Variants in RBFOX2 observed in about 807,000 individuals in gnomAD.
The protein encoded by RBFOX2 is RNA binding protein fox-1 homolog 2.
A neutral mutation model predicts 49.1 loss-of-function variants in RBFOX2; 10 were observed. That is an observed-to-expected ratio of 0.20 (90% CI 0.13 to 0.35). The LOEUF is 0.35. Among genes scored for constraint, RBFOX2 ranks in the 10% least tolerant of loss-of-function variants. The pLI is 1.00. For synonymous variants in RBFOX2, 183 were observed against 187.4 expected (o/e 0.98, Z 0.19); for missense variants, 323 against 486.9 (o/e 0.66, Z 3.17).
chr22:35,820,750 C>T (rs1954279637), intron 1 of RBFOX2, among the ~76,000 whole-genome samples: 1 of 152,008 alleles, frequency 6.6e-6, no homozygotes, highest in South Asian at 2.1e-4. Context: ...TAAGCAAACA[C>T]AAAGTTCTGT....
At chr22:35,961,787 C>G, upstream of RBFOX2, 4 of 1,152,986 alleles carry the variant, frequency 3.5e-6, no homozygotes, top group Non-Finnish European at 4.4e-6. Context: ...CAACAGGAAC[C>G]TGAGCTAAAT....
intron 1 of RBFOX2, among the ~76,000 whole-genome samples, chr22:35,919,751 A>G (rs1023468639): frequency 6.6e-6 from 1 of 152,148 alleles, no homozygotes; most frequent in Non-Finnish European, 1.5e-5. Flanking sequence ...CTCCTTTGGG[A>G]AGGAAATTTT....
intron 1 of RBFOX2, among the ~76,000 whole-genome samples, chr22:35,951,889 C>A (rs543612989): frequency 6.6e-6 from 1 of 152,256 alleles, no homozygotes; most frequent in East Asian, 1.9e-4. Flanking sequence ...TTTAAAGAAA[C>A]TGAACATCTA....
chr22:35,951,406 C>T (rs1416924726), intron 1 of RBFOX2, among the ~76,000 whole-genome samples: 1 of 151,634 alleles, frequency 6.6e-6, no homozygotes, highest in Non-Finnish European at 1.5e-5. Context: ...CCACCACACC[C>T]GGCTAATTCT....
At chr22:35,953,190 G>A (rs574191137) in intron 1 of RBFOX2, among the ~76,000 whole-genome samples, 3 of 115,856 alleles carry the variant, frequency 2.6e-5, no homozygotes, top group Non-Finnish European at 4.8e-5. Flanking sequence ...CAGCCTGGGC[G>A]ACAGAGTGGG....
At chr22:35,855,647 G>A (rs531564952) in intron 1 of RBFOX2, among the ~76,000 whole-genome samples, 5 of 151,926 alleles carry the variant, frequency 3.3e-5, no homozygotes, top group East Asian at 1.9e-4. Flanking sequence ...GAGTTCAGGC[G>A]ATCCACCTGC....
chr22:35,841,214 C>T (rs1603390021), upstream of RBFOX2, among the ~76,000 whole-genome samples: 1 of 152,100 alleles, frequency 6.6e-6, no homozygotes, highest in African/African-American at 2.4e-5. Flanking sequence ...TTGTTTTCTC[C>T]AGCCTTCTAT....
At chr22:35,791,107 T>C (rs955419644) in intron 2 of RBFOX2, among the ~76,000 whole-genome samples, 1 of 151,946 alleles carries the variant, frequency 6.6e-6, no homozygotes, top group African/African-American at 2.4e-5. Flanking sequence ...AAAGTAGGCC[T>C]GGCGCAGTGG....
At chr22:35,955,743 C>T (rs553223857) in intron 1 of RBFOX2, among the ~76,000 whole-genome samples, 5 of 152,064 alleles carry the variant, frequency 3.3e-5, no homozygotes, top group Non-Finnish European at 7.4e-5. Flanking sequence ...CACCTCCTGC[C>T]GTGTGGCCTG....
At chr22:35,738,931 G>A (rs1928370448) in exon 12 of RBFOX2, 1 of 152,580 alleles carries the variant, frequency 6.6e-6, no homozygotes, top group African/African-American at 2.4e-5. Context: ...CCAGCTACTT[G>A]ATAATAATAG....
In RBFOX2 at chr22:35,746,603, C is replaced by T. The variant is rs1932843783; in HGVS notation, c.888-42G>A. 3.8e-6 allele frequency: 5 copies of T among 1,317,802 alleles called. No individual in the cohort carries two copies. The South Asian group carries it at 6.0e-5, about 16-fold the overall frequency. 81.6% of individuals were successfully genotyped at this position (1,317,802 alleles called of 1,614,324 possible). ...AACTGACTTTACAGATACCTCTCCCCCCAGGTGTACAGAAAAACACACACC... is the reference window on the plus strand; with the variant it reads ...AACTGACTTTACAGATACCTCTCCCTCCAGGTGTACAGAAAAACACACACC... On this transcript the variant is annotated intron_variant, in intron 9 of 11. Coordinates refer to ENST00000405409, the Ensembl canonical transcript of RBFOX2.
At chr22:35,758,969 G>A (rs568276378) in intron 9 of RBFOX2, among the ~76,000 whole-genome samples, 1 of 151,926 alleles carries the variant, frequency 6.6e-6, no homozygotes, top group South Asian at 2.1e-4. Flanking sequence ...TTATTCCTCC[G>A]TAAGAATACA....
chr22:35,944,836 G>C (rs2054097996), intron 1 of RBFOX2, among the ~76,000 whole-genome samples: 1 of 152,118 alleles, frequency 6.6e-6, no homozygotes, highest in South Asian at 2.1e-4. Context: ...GGCACTTTGG[G>C]AGGGTGAGGT....
chr22:35,907,245 A>G (rs780635424), intron 1 of RBFOX2, among the ~76,000 whole-genome samples: 1 of 152,230 alleles, frequency 6.6e-6, no homozygotes, highest in African/African-American at 2.4e-5. Context: ...TACATCTTCC[A>G]TCCTCCACTA....
In RBFOX2 at chr22:35,936,910, A is replaced by G. The variant is rs183623870; in HGVS notation, c.-34+1937T>C. On this transcript the variant is annotated intron_variant, in intron 1 of 13. Coordinates refer to the RBFOX2 transcript ENST00000359369. ...AAGTCTATTTCCATACTTTACATCAATTAGCTTTACCTTCCTAAATCCACA... is the reference window on the plus strand; with the variant it reads ...AAGTCTATTTCCATACTTTACATCAGTTAGCTTTACCTTCCTAAATCCACA... Among the ~76,000 whole-genome samples, 340 of 152,328 alleles carry G rather than the reference A, an allele frequency of 2.2e-3. 1 individual carries two copies. The highest frequency in any genetic ancestry group is 3.9e-3 in the Non-Finnish European group (264 of 68,028).
At chr22:35,988,127 G>C (rs931611479) in intron 1 of RBFOX2, among the ~76,000 whole-genome samples, 3 of 152,130 alleles carry the variant, frequency 2.0e-5, no homozygotes, top group Admixed American at 2.0e-4. Flanking sequence ...ACCCTAAAGG[G>C]GGGCCACCTT....
chr22:35,938,180 T>G (rs1363408257), intron 1 of RBFOX2, among the ~76,000 whole-genome samples: 1 of 152,184 alleles, frequency 6.6e-6, no homozygotes, highest in South Asian at 2.1e-4. Context: ...AGAGGAAGCC[T>G]TACCTGTTCT....
chr22:36,021,193 C>T (rs1258423851), intron 1 of RBFOX2, among the ~76,000 whole-genome samples: 1 of 133,574 alleles, frequency 7.5e-6, no homozygotes, highest in Non-Finnish European at 1.5e-5. Flanking sequence ...GAGAATTAAA[C>T]AATGAGAACA....
At chr22:35,784,976 G>A (rs989485095) in intron 2 of RBFOX2, among the ~76,000 whole-genome samples, 2 of 152,158 alleles carry the variant, frequency 1.3e-5, no homozygotes, top group African/African-American at 4.8e-5. Flanking sequence ...GGGTGGACAT[G>A]CATTTATTTA....
Sources: gnomAD v4.1 joint callset for allele counts (sites outside exome capture counted in the v4.1 genomes callset) on GRCh38, gnomAD v4.1.1 for gene constraint, MANE v1.5 for transcripts, NCBI Gene and HGNC (gene_info 2026-07-23, HGNC 2026-07-21) for gene names.